PON3: variants seen among roughly 807,000 people sequenced by gnomAD.
PON3 encodes the protein serum paraoxonase/lactonase 3.
In PON3, 37 loss-of-function variants were observed where a neutral mutation model predicts 36.3. That is an observed-to-expected ratio of 1.02 (90% confidence interval 0.78 to 1.34). The LOEUF is 1.34. Ranked by LOEUF, PON3 falls within the 40% of genes most tolerant of loss-of-function variation. The pLI, the probability that PON3 is intolerant of heterozygous loss-of-function variation, is 0.00. For synonymous variants in PON3, 155 were observed against 154.8 expected (o/e 1.00, Z -0.01); for missense variants, 415 against 426.5 (o/e 0.97, Z 0.24).
chr7:95,371,261 G>GTA (rs1211961179), intron 4 of PON3, among the ~76,000 whole-genome samples: 2 of 143,460 alleles, frequency 1.4e-5, no homozygotes, highest in Non-Finnish European at 2.9e-5. Flanking sequence ...ATGAACATTT[G>GTA]TATATGGGTT....
At chr7:95,390,356 T>C (rs1333666205) in intron 2 of PON3, 147 bp from the exon 3 acceptor site, 4 of 763,088 alleles carry the variant, frequency 5.2e-6, no homozygotes, top group Non-Finnish European at 9.3e-6. Context: ...ATATTAACTT[T>C]GGAGAATCTC....
chr7:95,382,691 T>C (rs566679967), intron 3 of PON3, among the ~76,000 whole-genome samples: 19 of 152,296 alleles, frequency 1.2e-4, no homozygotes, highest in African/African-American at 4.3e-4. Flanking sequence ...TAACAGGCTC[T>C]GAAATTGAGA....
chr7:95,376,216 A>G (rs1562773044), intron 3 of PON3, among the ~76,000 whole-genome samples: 1 of 152,232 alleles, frequency 6.6e-6, no homozygotes, highest in African/African-American at 2.4e-5. Flanking sequence ...TGCCACCACA[A>G]TGAACCCTCA....
intron 3 of PON3, among the ~76,000 whole-genome samples, chr7:95,382,716 T>G (rs1168655416): frequency 6.6e-6 from 1 of 151,990 alleles, no homozygotes; most frequent in Non-Finnish European, 1.5e-5. Context: ...AATTAATAGC[T>G]TACCAACCAA....
chr7:95,375,356 A>G (rs1439458124), intron 3 of PON3, among the ~76,000 whole-genome samples: 1 of 150,006 alleles, frequency 6.7e-6, no homozygotes, highest in Non-Finnish European at 1.5e-5. Context: ...ACACACTCAC[A>G]TATGTTAAAA....
chr7:95,390,783 G>C (rs953434429), intron 2 of PON3, among the ~76,000 whole-genome samples: 11 of 152,250 alleles, frequency 7.2e-5, no homozygotes, highest in Admixed American at 6.5e-5. Context: ...GTAAGAGCTA[G>C]TTTTCAGCAT....
At chr7:95,389,908 A>C (rs1363240037) in intron 3 of PON3, among the ~76,000 whole-genome samples, 1 of 152,208 alleles carries the variant, frequency 6.6e-6, no homozygotes, top group Non-Finnish European at 1.5e-5. Context: ...ATACACATTT[A>C]TCAAGACCCT....
chr7:95,389,608 AG>A (rs1809274077), intron 3 of PON3, among the ~76,000 whole-genome samples: 1 of 152,238 alleles, frequency 6.6e-6, no homozygotes, highest in Non-Finnish European at 1.5e-5. Flanking sequence ...CTGTGAAGAC[AG>A]TACTGGGAAT....
rs373411165 is a variant in PON3, at chr7:95,372,320, T to C, written c.220A>G (p.Met74Val). Residue 74 changes from methionine to valine, a missense_variant, in exon 4 of 9, where the codon ATG (methionine) becomes GTG (valine). Met to Val is a conservative substitution (Grantham distance 21). Transcript: ENST00000265627. ...GGTTCATCTGGCGCAAAGTTTGGCA[T>C]GCCTGGATATTTTAATCCCTTTTAA... is the stretch of plus-strand genomic sequence containing the variant. ...FISSGLKYPG[M>V]PNFAPDEPGK... The C allele has an allele frequency of 6.2e-7, 1 of 1,613,836 alleles. No homozygotes were observed. Among genetic ancestry groups the C allele is most frequent in the Non-Finnish European group, 8.5e-7 (1 of 1,179,900 alleles).
intron 8 of PON3, 43 bp from the exon 9 acceptor site, chr7:95,360,174 C>T: frequency 1.3e-6 from 2 of 1,540,158 alleles, no homozygotes; most frequent in Non-Finnish European, 1.8e-6. Context: ...TGTGAGTAAA[C>T]ACCTGTTTCA....
chr7:95,396,162 A>C, intron 1 of PON3, 115 bp downstream of exon 1: 1 of 1,090,316 alleles, frequency 9.2e-7, no homozygotes, highest in South Asian at 1.2e-5. Flanking sequence ...TGGAGGAGTG[A>C]GGTTCCAAAG....
Position 95,394,710 on chromosome 7 carries a change from T to C in PON3, c.79A>G (p.Arg27Gly). Residue 27 changes from arginine (R) to glycine (G), a missense_variant, in exon 2 of 9, where the codon AGG (arginine) becomes GGG (glycine). Arg to Gly is a moderately radical substitution (Grantham distance 125). Coordinates refer to ENST00000265627, the MANE Select transcript of PON3 (RefSeq NM_000940.3). The part of the protein sequence containing the change: ...VGEMFLAFRE[R>G]VNASREVEPV... ...TCCACTTCTCGAGAGGCATTCACCCTTTCTCTGTAGAAGATAAAACCCAAC... is the reference window on the plus strand; with the variant it reads ...TCCACTTCTCGAGAGGCATTCACCCCTTCTCTGTAGAAGATAAAACCCAAC... 6.2e-7 allele frequency: 1 copy of C among 1,614,034 alleles called. No homozygotes were observed. Among genetic ancestry groups the C allele is most frequent in the Non-Finnish European group, 8.5e-7 (1 of 1,179,874 alleles).
chr7:95,388,289 G>A, intron 3 of PON3, among the ~76,000 whole-genome samples: 1 of 152,208 alleles, frequency 6.6e-6, no homozygotes. Context: ...AGAATATGAA[G>A]AGACACTTCT....
At chr7:95,363,653 C>T (rs1030794686) in intron 6 of PON3, 7 of 603,372 alleles carry the variant, frequency 1.2e-5, no homozygotes, top group African/African-American at 1.1e-4. Flanking sequence ...CTTAAGTCCA[C>T]ATCCCTCCTT....
Position 95,367,422 on chromosome 7 carries a change from A to C in PON3, c.434T>G (p.Phe145Cys), listed in dbSNP as rs772677677. The change falls in exon 5 of 9, where the codon TTT (phenylalanine) becomes TGT (cysteine). Residue 145 changes from phenylalanine to cysteine, a missense_variant. Physicochemically the swap from Phe to Cys is radical, Grantham distance 205. Transcript: ENST00000265627. ...TACCAGAGAACGTTGTTGTTCCTCA[A>C]ATTTAAATATCTCCACAGTGGACTT... Reference protein sequence around the residue: ...HMKSTVEIFKFEEQQRSLVYL... With the variant: ...HMKSTVEIFKCEEQQRSLVYL... 9.9e-6 allele frequency: 16 copies of C among 1,613,094 alleles called. No individual in the cohort carries two copies. Among genetic ancestry groups the C allele is most frequent in the Middle Eastern group, 1.7e-4 (1 of 6,056 alleles).
intron 3 of PON3, among the ~76,000 whole-genome samples, chr7:95,380,866 T>A (rs1428055416): frequency 6.6e-6 from 1 of 152,008 alleles, no homozygotes; most frequent in African/African-American, 2.4e-5. Flanking sequence ...ACAAAGATAT[T>A]CCTCGAGAAC....
At chr7:95,394,739 G>A in intron 1 of PON3, 25 bp from the exon 2 acceptor site, 1 of 1,590,942 alleles carries the variant, frequency 6.3e-7, no homozygotes, top group Non-Finnish European at 8.6e-7. Flanking sequence ...ACCCAACCCT[G>A]GAAGTCAAGG....
intron 4 of PON3, among the ~76,000 whole-genome samples, chr7:95,368,612 A>T (rs1459345654): frequency 6.6e-6 from 1 of 152,176 alleles, no homozygotes; most frequent in Non-Finnish European, 1.5e-5. Context: ...ACTTAGTGAG[A>T]GTACTTTTCT....
chr7:95,370,998 T>C (rs550406102), intron 4 of PON3, among the ~76,000 whole-genome samples: 5 of 152,334 alleles, frequency 3.3e-5, no homozygotes, highest in African/African-American at 1.2e-4. Context: ...AATTTTTCTG[T>C]CTGTGAATTC....
Sources: gnomAD v4.1 joint callset for allele counts (sites outside exome capture counted in the v4.1 genomes callset) on GRCh38, gnomAD v4.1.1 for gene constraint, MANE v1.5 for transcripts, NCBI Gene and HGNC (gene_info 2026-07-23, HGNC 2026-07-21) for gene names.